The following HNRNPA1L3 variants were observed in gnomAD, a reference collection of about 807,000 sequenced individuals.
HNRNPA1L3 encodes the protein heterogeneous nuclear ribonucleoprotein A1 like 3.
the HNRNPA1L3 span, chr16:51,646,306 C>T: frequency 1.9e-6 from 3 of 1,587,744 alleles, no homozygotes; most frequent in African/African-American, 4.0e-5. Context: ...ATAAGATTGT[C>T]ATTCAGAAAT....
the HNRNPA1L3 span, chr16:51,646,678 C>T: frequency 6.3e-6 from 10 of 1,598,346 alleles, 1 homozygote; most frequent in South Asian, 7.7e-5. Flanking sequence ...GAAGCTCTGG[C>T]CCCCATGGCG....
the HNRNPA1L3 span, chr16:51,646,994 C>T: frequency 1.7e-6 from 1 of 603,822 alleles, no homozygotes; most frequent in Non-Finnish European, 2.9e-6. Context: ...AGTTTCTGTT[C>T]TGTGGAAAGT....
the HNRNPA1L3 span, chr16:51,646,113 A>T: frequency 6.3e-7 from 1 of 1,596,224 alleles, no homozygotes; most frequent in African/African-American, 1.3e-5. Flanking sequence ...CAAAGACCAG[A>T]TGCCCACTTA....
the HNRNPA1L3 span, chr16:51,645,890 A>G: frequency 1.2e-6 from 2 of 1,608,064 alleles, no homozygotes; most frequent in Admixed American, 3.3e-5. Context: ...GAGCTTTGAA[A>G]CAACTGATGA....
chr16:51,646,479 A>G, the HNRNPA1L3 span: 11 of 1,597,536 alleles, frequency 6.9e-6, no homozygotes, highest in Non-Finnish European at 9.3e-6. Context: ...CGTGGAGGAA[A>G]CTTCAGTGGT....
At chr16:51,646,081 A>G in the HNRNPA1L3 span, 1 of 1,594,364 alleles carries the variant, frequency 6.3e-7, no homozygotes, top group Non-Finnish European at 8.5e-7. Context: ...AACCAAAGAG[A>G]GCTGTCTCCA....
the HNRNPA1L3 span, chr16:51,646,000 A>G: frequency 1.3e-6 from 2 of 1,598,442 alleles, no homozygotes; most frequent in East Asian, 4.5e-5. Context: ...GGTTTGTCAC[A>G]TATGCCACTG....
chr16:51,646,652 G>A, the HNRNPA1L3 span: 2 of 1,597,956 alleles, frequency 1.3e-6, no homozygotes, highest in Non-Finnish European at 1.7e-6. Context: ...CATGAAGGGA[G>A]GAAATTTTGA....
chr16:51,646,206 A>G, the HNRNPA1L3 span: 5 of 1,595,912 alleles, frequency 3.1e-6, no homozygotes, highest in Admixed American at 1.7e-5. Flanking sequence ...CAGTATGGAA[A>G]AATTGAAGTG....
chr16:51,646,832 C>G, the HNRNPA1L3 span: 1 of 1,446,744 alleles, frequency 6.9e-7, no homozygotes, highest in African/African-American at 1.4e-5. Context: ...GACAGGGAAG[C>G]TACAGGTTAC....
the HNRNPA1L3 span, chr16:51,646,254 G>T: frequency 6.3e-7 from 1 of 1,596,648 alleles, no homozygotes; most frequent in Non-Finnish European, 8.5e-7. Context: ...GGCAAGAAAA[G>T]GGGCTTTGCC....
chr16:51,645,758 C>T, the HNRNPA1L3 span: 7 of 1,602,842 alleles, frequency 4.4e-6, no homozygotes, highest in African/African-American at 6.7e-5. Flanking sequence ...AGATCTTTTC[C>T]TTTCTGCCCT....
the HNRNPA1L3 span, chr16:51,646,793 G>C: frequency 6.3e-7 from 1 of 1,584,658 alleles, no homozygotes; most frequent in Non-Finnish European, 8.6e-7. Context: ...AGGAAACAAA[G>C]CTTAGCAGGA....
the HNRNPA1L3 span, chr16:51,646,895 A>G: frequency 2.5e-6 from 2 of 814,136 alleles, no homozygotes. Flanking sequence ...TAGCTGCTAC[A>G]AAGAAGACAT....
At chr16:51,645,779 C>A in the HNRNPA1L3 span, 157 of 1,607,850 alleles carry the variant, frequency 9.8e-5, 2 homozygotes, top group East Asian at 1.0e-3. Context: ...TGGACGCCGC[C>A]GAAGAAGCAT....
the HNRNPA1L3 span, chr16:51,646,311 A>G: frequency 2.5e-6 from 4 of 1,584,380 alleles, no homozygotes; most frequent in East Asian, 4.5e-5. Context: ...ATTGTCATTC[A>G]GAAATACCAT....
chr16:51,646,712 C>G, the HNRNPA1L3 span: 1 of 1,598,604 alleles, frequency 6.3e-7, no homozygotes, highest in East Asian at 2.2e-5. Context: ...CTTTGCAAAA[C>G]CACGAAACCA....
chr16:51,646,735 C>T, the HNRNPA1L3 span: 9,212 of 1,597,836 alleles, frequency 5.8e-3, 237 homozygotes, highest in African/African-American at 0.074. Context: ...GTGGCTATGG[C>T]GGTTCCAGCA....
At chr16:51,646,967 G>A in the HNRNPA1L3 span, 1 of 643,062 alleles carries the variant, frequency 1.6e-6, no homozygotes, top group Non-Finnish European at 2.8e-6. Flanking sequence ...GTGACTAATT[G>A]TATAACAGGT....
Sources: gnomAD v4.1 joint callset for allele counts on GRCh38, gnomAD v4.1.1 for gene constraint, MANE v1.5 for transcripts, NCBI Gene and HGNC (gene_info 2026-07-23, HGNC 2026-07-21) for gene names.